Variants in ATAD2B observed in about 807,000 individuals in gnomAD.
ATAD2B encodes the protein ATPase family AAA domain containing 2B.
Under a neutral mutation model 167.6 loss-of-function variants are expected in ATAD2B, and 40 were observed. The ratio of observed to expected loss-of-function variants is 0.24; its 90% CI spans 0.19 to 0.31. ATAD2B has a LOEUF of 0.31. ATAD2B is among the 10% of genes least tolerant of loss of function. ATAD2B has a pLI of 1.00. For missense variants in ATAD2B, 1,242 were observed against 1,757.2 expected, an observed-to-expected ratio of 0.71 and a Z score of 5.24; for synonymous variants, 579 against 596.5, an observed-to-expected ratio of 0.97 and a Z score of 0.43.
chr2:23,804,001 T>C (rs763013187), intron 18 of ATAD2B, among the ~76,000 whole-genome samples: 6 of 152,120 alleles, frequency 3.9e-5, no homozygotes, highest in Non-Finnish European at 8.8e-5. Flanking sequence ...CCTCTGAGTA[T>C]AGGAGGACTA....
Position 23,926,973 on chromosome 2 carries a change from G to T in ATAD2B, c.-203C>A, listed in dbSNP as rs1365905495. On this transcript the variant is annotated 5_prime_UTR_variant, in exon 1 of 28. Transcript: ENST00000238789. ...GTGAGCAGGCGGCGTGCGGGAAGCG[G>T]GGGCGGTGCTGCAGACCGGCAGCAC... is the stretch of plus-strand genomic sequence containing the variant. 2 of 600,122 alleles carry T rather than the reference G, an allele frequency of 3.3e-6. No homozygotes were observed. Among genetic ancestry groups the T allele is most frequent in the African/African-American group, 4.0e-5 (2 of 50,410 alleles). The allele number at this position is 600,122 out of a possible 1,614,324, so 37.2% of individuals were successfully genotyped here. A position where few individuals can be genotyped will look rare whatever the true frequency, so the allele number is the denominator to read the frequency against.
At chr2:23,696,222 A>C in the ATAD2B span, 1 of 1,490,218 alleles carries the variant, frequency 6.7e-7, no homozygotes, top group Non-Finnish European at 9.1e-7. This position sits in a 1 kb window ranked among gnomAD's most constrained non-coding sequence, Gnocchi z 5.5. Context: ...GCCATGGCCC[A>C]GAAGTGTCTA....
chr2:23,743,284 G>C, the ATAD2B span, among the ~76,000 whole-genome samples: 1 of 152,102 alleles, frequency 6.6e-6, no homozygotes, highest in Non-Finnish European at 1.5e-5. Flanking sequence ...ACAAGAGTTG[G>C]GGCCAGGCGC....
the ATAD2B span, among the ~76,000 whole-genome samples, chr2:23,723,539 A>C: frequency 6.6e-6 from 1 of 151,982 alleles, no homozygotes; most frequent in Non-Finnish European, 1.5e-5. Context: ...GATGTTTTTC[A>C]AAAGAACACA....
intron 13 of ATAD2B, among the ~76,000 whole-genome samples, chr2:23,855,145 G>A (rs1693182983): frequency 6.7e-6 from 1 of 148,702 alleles, no homozygotes; most frequent in South Asian, 2.1e-4. Context: ...AGTGAGCTGA[G>A]ATCGCACCAC....
chr2:23,798,545 T>C (rs1572798602), intron 18 of ATAD2B, among the ~76,000 whole-genome samples: 1 of 150,636 alleles, frequency 6.6e-6, no homozygotes, highest in Non-Finnish European at 1.5e-5. Flanking sequence ...AAAAAAAAAG[T>C]ATGTTTTGCC....
chr2:23,926,994 A>G lies in ATAD2B; in HGVS notation c.-224T>C, dbSNP rs1283277187. ...AGCGGGGGCGGTGCTGCAGACCGGCAGCACAGACACTCCGCCGGCTTCGCC... is the reference window on the plus strand; with the variant it reads ...AGCGGGGGCGGTGCTGCAGACCGGCGGCACAGACACTCCGCCGGCTTCGCC... On this transcript the variant is annotated 5_prime_UTR_variant, in exon 1 of 28. Transcript: ENST00000238789. The G allele has an allele frequency of 7.6e-6, 4 of 528,830 alleles. No individual in the cohort carries two copies. The highest frequency in any genetic ancestry group is 1.3e-5 in the Non-Finnish European group (4 of 308,834). The allele number at this position is 528,830 out of a possible 1,614,324, so 32.8% of individuals were successfully genotyped here.
At position 23,825,042 on chromosome 2, in the gene ATAD2B, C is replaced by G. The variant is rs183350703; in HGVS notation, c.1820-1473G>C. Among the ~76,000 whole-genome samples the G allele has an allele frequency of 2.0e-5, 3 of 151,566 alleles. No homozygotes were observed. In the East Asian group the frequency reaches 5.8e-4, roughly 29 times the overall value. ...CACCGCAGCCTTGACTTCCTGGGCTCAAGAAATCCTTCTGCCTCAGCCTGC... is the reference window on the plus strand; with the variant it reads ...CACCGCAGCCTTGACTTCCTGGGCTGAAGAAATCCTTCTGCCTCAGCCTGC... On this transcript the variant is annotated intron_variant, in intron 15 of 27. Coordinates refer to ENST00000238789, the MANE Select transcript of ATAD2B (RefSeq NM_017552.4).
intron 14 of ATAD2B, among the ~76,000 whole-genome samples, chr2:23,831,754 C>T (rs1463336009): frequency 6.6e-6 from 1 of 152,194 alleles, no homozygotes; most frequent in East Asian, 1.9e-4. Context: ...TCATTCACAC[C>T]ACTTTTACGC....
At chr2:23,767,613 C>T (rs1440115861) in intron 22 of ATAD2B, among the ~76,000 whole-genome samples, 2 of 152,118 alleles carry the variant, frequency 1.3e-5, no homozygotes, top group Admixed American at 1.3e-4. Context: ...TTGAAAAGAT[C>T]TGCTGTGGTT....
At chr2:23,714,106 T>C in the ATAD2B span, among the ~76,000 whole-genome samples, 1 of 152,156 alleles carries the variant, frequency 6.6e-6, no homozygotes, top group African/African-American at 2.4e-5. Context: ...TAAATTATGA[T>C]ACAAGCTCAA....
intron 1 of ATAD2B, among the ~76,000 whole-genome samples, chr2:23,910,987 G>A (rs1276670512): frequency 6.6e-6 from 1 of 152,130 alleles, no homozygotes; most frequent in Non-Finnish European, 1.5e-5. Context: ...AGCACTTTGG[G>A]AGGCCAAGGT....
At chr2:23,767,288 T>C (rs1677583113) in intron 22 of ATAD2B, among the ~76,000 whole-genome samples, 1 of 152,122 alleles carries the variant, frequency 6.6e-6, no homozygotes, top group African/African-American at 2.4e-5. Context: ...CCAATCGGAA[T>C]TAGTTTAGCC....
At chr2:23,688,229 T>G in the ATAD2B span, among the ~76,000 whole-genome samples, 1 of 152,162 alleles carries the variant, frequency 6.6e-6, no homozygotes, top group Non-Finnish European at 1.5e-5. Context: ...GGAGACTGGG[T>G]GCATGCCCAT....
the ATAD2B span, chr2:23,706,473 C>T: frequency 6.8e-7 from 1 of 1,479,412 alleles, no homozygotes; most frequent in Non-Finnish European, 9.0e-7. Context: ...CCCGCTTTCC[C>T]CCAACAGTGC....
the ATAD2B span, among the ~76,000 whole-genome samples, chr2:23,686,395 C>T: frequency 1.3e-5 from 2 of 152,156 alleles, no homozygotes; most frequent in South Asian, 4.1e-4. Flanking sequence ...GACTCCGCCG[C>T]TTGTCTTGTG....
chr2:23,739,981 TC>T, the ATAD2B span, among the ~76,000 whole-genome samples: 1 of 152,002 alleles, frequency 6.6e-6, no homozygotes, highest in Admixed American at 6.5e-5. Flanking sequence ...GACACATACA[TC>T]CTCCCAAGAC....
intron 13 of ATAD2B, 140 bp downstream of exon 13, chr2:23,857,275 A>G (rs1278707603): frequency 4.0e-6 from 2 of 500,848 alleles, no homozygotes; most frequent in Admixed American, 4.4e-5. Flanking sequence ...CCCCTGTACT[A>G]AGAGAAAGAA....
intron 1 of ATAD2B, among the ~76,000 whole-genome samples, chr2:23,902,647 G>A (rs1386682038): frequency 6.6e-6 from 1 of 152,156 alleles, no homozygotes; most frequent in African/African-American, 2.4e-5. Context: ...CTGTGTCACA[G>A]TGATTATAAT....
Sources: allele counts gnomAD v4.1 joint callset (sites outside exome capture counted in the v4.1 genomes callset), GRCh38; gene constraint gnomAD v4.1.1; non-coding constraint Gnocchi (gnomAD v3.1); transcripts MANE v1.5; gene names NCBI Gene and HGNC (gene_info 2026-07-23, HGNC 2026-07-21).